The following CBLB variants were observed in gnomAD, a reference collection of about 807,000 sequenced individuals.
CBLB encodes E3 ubiquitin-protein ligase CBL-B.
In CBLB, 31 loss-of-function variants were observed where a neutral mutation model predicts 104.9. The ratio of observed to expected loss-of-function variants is 0.30; its 90% CI spans 0.22 to 0.40. The LOEUF (loss-of-function observed/expected upper bound fraction) is 0.40. Among genes scored for constraint, CBLB ranks in the 10% least tolerant of loss-of-function variants. CBLB has a pLI of 1.00. For synonymous variants in CBLB, 440 were observed against 422.6 expected, an observed-to-expected ratio of 1.04 and a Z score of -0.51; for missense variants, 1,062 against 1,214.6, an observed-to-expected ratio of 0.87 and a Z score of 1.87.
At position 105,833,390 on chromosome 3, in the gene CBLB, G is replaced by T. The variant is rs114420618; in HGVS notation, c.419+20024C>A. Among the ~76,000 whole-genome samples, 1,057 of 152,278 alleles carry T rather than the reference G, an allele frequency of 6.9e-3. 11 individuals carry two copies. The highest frequency in any genetic ancestry group is 0.024 in the African/African-American group (1,014 of 41,566). ...AGGCAGAACAAATATCTCTCTCTGA[G>T]ACAGACAGGCTTATTAATTTCTATG... On this transcript the variant is annotated intron_variant, in intron 3 of 18. Coordinates refer to ENST00000394030, the MANE Select transcript of CBLB (RefSeq NM_170662.5).
At chr3:105,698,810 A>T (rs185262969) in intron 12 of CBLB, among the ~76,000 whole-genome samples, 1 of 152,192 alleles carries the variant, frequency 6.6e-6, no homozygotes, top group Admixed American at 6.6e-5. Flanking sequence ...TTTTTAAAAA[A>T]TCAAAATATC....
intron 4 of CBLB, among the ~76,000 whole-genome samples, chr3:105,760,054 G>C (rs2077470690): frequency 6.6e-6 from 1 of 152,138 alleles, no homozygotes; most frequent in South Asian, 2.1e-4. Context: ...TAAGATTGCA[G>C]GAACACAGGA....
At chr3:105,701,737 T>TG (rs1251034535) in intron 12 of CBLB, among the ~76,000 whole-genome samples, 3 of 140,946 alleles carry the variant, frequency 2.1e-5, no homozygotes, top group Non-Finnish European at 4.6e-5. Flanking sequence ...CACTCCAGCC[T>TG]GGGGGGCAAG....
chr3:105,720,267 T>C lies in CBLB; in HGVS notation c.1204-17A>G. The C allele has an allele frequency of 6.3e-7, 1 of 1,597,878 alleles. No homozygotes were observed. The highest frequency in any genetic ancestry group is 8.6e-7 in the Non-Finnish European group (1 of 1,168,654). On this transcript the variant is annotated splice_polypyrimidine_tract_variant and intron_variant, in intron 9 of 18. Transcript: ENST00000394030. ...ATCCGACTCCTAAACAAATAGAAAA[T>C]GCATGGATTGGTTTTGTTCAAAATA...
intron 3 of CBLB, among the ~76,000 whole-genome samples, chr3:105,833,932 A>C (rs1013175181): frequency 6.6e-6 from 1 of 152,060 alleles, no homozygotes; most frequent in African/African-American, 2.4e-5. Flanking sequence ...GAGAGTAACT[A>C]TTTTTCCAGA....
At chr3:105,714,838 T>C (rs1056382433) in intron 10 of CBLB, among the ~76,000 whole-genome samples, 1 of 152,214 alleles carries the variant, frequency 6.6e-6, no homozygotes, top group South Asian at 2.1e-4. Context: ...TGTATTTTAA[T>C]TGAAGAAGGC....
intron 4 of CBLB, among the ~76,000 whole-genome samples, chr3:105,767,052 T>G (rs896877725): frequency 6.6e-6 from 1 of 152,298 alleles, no homozygotes; most frequent in African/African-American, 2.4e-5. Flanking sequence ...TATGTAAGTT[T>G]TTATTTTCCT....
Position 105,681,623 on chromosome 3 carries a change from A to C in CBLB, c.2297-13T>G. 6.2e-7 allele frequency: 1 copy of C among 1,613,980 alleles called. No individual in the cohort carries two copies. The highest frequency in any genetic ancestry group is 8.5e-7 in the Non-Finnish European group (1 of 1,179,974). ...TCAAAAACATCTCCTAGAGGATAAC[A>C]CAAAACCTTAATGTATTTTCAGTAC... On this transcript the variant is annotated splice_polypyrimidine_tract_variant and intron_variant, in intron 15 of 18. Coordinates refer to ENST00000394030, the MANE Select transcript of CBLB (RefSeq NM_170662.5).
intron 3 of CBLB, among the ~76,000 whole-genome samples, chr3:105,798,499 A>G (rs1437596844): frequency 6.6e-6 from 1 of 152,212 alleles, no homozygotes; most frequent in Non-Finnish European, 1.5e-5. Flanking sequence ...ATAACCACTC[A>G]GAGAAATATA....
intron 10 of CBLB, among the ~76,000 whole-genome samples, chr3:105,713,391 T>TA (rs71627688): frequency 0.62 from 91,592 of 146,950 alleles, 28,458 homozygotes; most frequent in Middle Eastern, 0.72. Context: ...CACTGATCAT[T>TA]AAAAAAAAAA....
chr3:105,702,039 C>T (rs2069200625), intron 12 of CBLB, 55 bp downstream of exon 12: 3 of 1,593,860 alleles, frequency 1.9e-6, no homozygotes, highest in South Asian at 1.1e-5. Context: ...ATGCTACTGA[C>T]CATCAGAAGC....
At chr3:105,869,287 G>C (rs765271613), upstream of CBLB, 3 of 1,005,582 alleles carry the variant, frequency 3.0e-6, no homozygotes, top group Admixed American at 6.8e-5. Flanking sequence ...AACGAAAGTG[G>C]AAACGGGAAA....
chr3:105,740,341 A>G (rs1370073328), intron 7 of CBLB, among the ~76,000 whole-genome samples, 153 bp downstream of exon 7: 1 of 152,234 alleles, frequency 6.6e-6, no homozygotes, highest in Non-Finnish European at 1.5e-5. Flanking sequence ...AAATGATTAT[A>G]TAAAAAGATG....
intron 10 of CBLB, among the ~76,000 whole-genome samples, chr3:105,716,447 CA>C (rs2152817493): frequency 6.6e-6 from 1 of 152,236 alleles, no homozygotes; most frequent in South Asian, 2.1e-4. Context: ...CTTTAAATAA[CA>C]ATTTAGTGTA....
At position 105,665,406 on chromosome 3, in the gene CBLB, TAAATAAATAA is replaced by T. The variant is rs1481095965; in HGVS notation, c.2689+4817_2689+4826del. 7.8e-3 allele frequency among the ~76,000 whole-genome samples: 679 copies of T among 86,782 alleles called. 7 individuals are homozygous for T. Among genetic ancestry groups the T allele is most frequent in the African/African-American group, 0.025 (528 of 21,498 alleles). The allele number at this position is 86,782 out of a possible 152,430, so 56.9% of individuals were successfully genotyped here. On this transcript the variant is annotated intron_variant, in intron 18 of 18. Transcript: ENST00000394030. The stretch of plus-strand genomic sequence containing the variant: ...GTCTCCAAAAAAATAAATAAATAAA[TAAATAAATAA>T]ATATATATATATATATATATATATA...
intron 2 of CBLB, among the ~76,000 whole-genome samples, chr3:105,863,522 G>T (rs1313519166): frequency 6.6e-6 from 1 of 152,194 alleles, no homozygotes; most frequent in Non-Finnish European, 1.5e-5. Flanking sequence ...ACCTGTCTTA[G>T]TCCACATGGA....
At chr3:105,663,934 C>T (rs866939137) in intron 18 of CBLB, among the ~76,000 whole-genome samples, 4 of 149,768 alleles carry the variant, frequency 2.7e-5, no homozygotes, top group African/African-American at 4.9e-5. Flanking sequence ...CCAAAAGGCC[C>T]GTAGGCAGAC....
At chr3:105,745,476 C>T (rs1218671165) in intron 6 of CBLB, among the ~76,000 whole-genome samples, 3 of 152,154 alleles carry the variant, frequency 2.0e-5, no homozygotes, top group East Asian at 1.9e-4. Flanking sequence ...TGCTTATGTA[C>T]ATACATGTAT....
At position 105,685,314 on chromosome 3, in the gene CBLB, T is replaced by G; in HGVS notation, c.2201+6A>C. On this transcript the variant is annotated splice_donor_region_variant and intron_variant, in intron 14 of 18. Coordinates refer to ENST00000394030, the MANE Select transcript of CBLB (RefSeq NM_170662.5). Reference sequence around the variant, plus strand: ...GTAAGTGGCAAAAATCTGCCCATACTCTTACCGAACAGGAGGTTTTACATT... The same window carrying G: ...GTAAGTGGCAAAAATCTGCCCATACGCTTACCGAACAGGAGGTTTTACATT... 3 of 1,613,496 alleles carry G rather than the reference T, an allele frequency of 1.9e-6. No individual in the cohort carries two copies. Among genetic ancestry groups the G allele is most frequent in the African/African-American group, 1.3e-5 (1 of 75,022 alleles).
Sources: gnomAD v4.1 joint callset for allele counts (sites outside exome capture counted in the v4.1 genomes callset) on GRCh38, gnomAD v4.1.1 for gene constraint, MANE v1.5 for transcripts, NCBI Gene and HGNC (gene_info 2026-07-23, HGNC 2026-07-21) for gene names.